ARHGAP23: variants seen among roughly 807,000 people sequenced by gnomAD.
ARHGAP23 encodes Rho GTPase activating protein 23, also known as rho GTPase-activating protein 23.
A neutral mutation model predicts 136.3 loss-of-function variants in ARHGAP23; 34 were observed. The observed-to-expected ratio is 0.25, with a 90% CI of 0.19 to 0.33. The LOEUF is 0.33. ARHGAP23 is among the 10% of genes least tolerant of loss of function. The pLI is 1.00. For synonymous variants in ARHGAP23, 832 were observed against 920.5 expected, an observed-to-expected ratio of 0.90 and a Z score of 1.74; for missense variants, 1,808 against 2,139.0, an observed-to-expected ratio of 0.85 and a Z score of 3.05.
chr17:38,508,787 T>C (rs2040689336), intron 23 of ARHGAP23, among the ~76,000 whole-genome samples: 2 of 151,346 alleles, frequency 1.3e-5, no homozygotes. Flanking sequence ...ATGGAGGCAG[T>C]TTGGGGCAGG....
chr17:38,457,189 T>C (rs1394679597), intron 1 of ARHGAP23, among the ~76,000 whole-genome samples: 3 of 152,228 alleles, frequency 2.0e-5, no homozygotes, highest in Non-Finnish European at 4.4e-5. Context: ...TTTTACCATG[T>C]TGGCAAAGGC....
At chr17:38,503,647 C>T (rs2040567949) in intron 23 of ARHGAP23, among the ~76,000 whole-genome samples, 1 of 152,202 alleles carries the variant, frequency 6.6e-6, no homozygotes, top group South Asian at 2.1e-4. Flanking sequence ...CACTGCCTCC[C>T]GGAAGCCTCC....
intron 1 of ARHGAP23, among the ~76,000 whole-genome samples, chr17:38,422,679 G>A (rs1732421423): frequency 6.6e-6 from 1 of 152,164 alleles, no homozygotes; most frequent in Non-Finnish European, 1.5e-5. Flanking sequence ...CTGTCCAGAG[G>A]TTTTCTGCGT....
In ARHGAP23 at chr17:38,477,893, C is replaced by G; in HGVS notation, c.2433C>G (p.Gly811=). ...RAIRENSRAE[G]EDPGCANQAL... ...TCCGGGAGAACAGCAGGGCCGAGGG[C>G]GAGGTGAGGGCCCGGCCAGCCCGGC... The change falls in exon 12 of 24, where the codon GGC becomes GGG. Residue 811 remains glycine (G), a synonymous_variant. Transcript: ENST00000622683. This position sits in a 1 kb window ranked among gnomAD's most constrained non-coding sequence, Gnocchi z 6.6. The G allele has an allele frequency of 1.3e-6, 2 of 1,547,756 alleles. No homozygotes were observed. Among genetic ancestry groups the G allele is most frequent in the East Asian group, 2.4e-5 (1 of 40,888 alleles).
chr17:38,485,008 G>A (rs934875207), intron 16 of ARHGAP23, among the ~76,000 whole-genome samples: 7 of 152,140 alleles, frequency 4.6e-5, no homozygotes, highest in Non-Finnish European at 8.8e-5. Flanking sequence ...CATTCCCAGC[G>A]AGGCGGCTGT....
intron 1 of ARHGAP23, among the ~76,000 whole-genome samples, chr17:38,420,498 C>A (rs902903089): frequency 6.6e-6 from 1 of 152,192 alleles, no homozygotes; most frequent in Non-Finnish European, 1.5e-5. Context: ...CCAGGCTGAG[C>A]ACAGGCCCCC....
At chr17:38,491,040 T>C (rs1425531906) in intron 19 of ARHGAP23, among the ~76,000 whole-genome samples, 2 of 152,124 alleles carry the variant, frequency 1.3e-5, no homozygotes, top group Non-Finnish European at 2.9e-5. Context: ...TGCCTCAGCC[T>C]CCCGAGTAGC....
intron 1 of ARHGAP23, among the ~76,000 whole-genome samples, chr17:38,435,025 C>T (rs1359236093): frequency 6.6e-6 from 1 of 152,194 alleles, no homozygotes. Flanking sequence ...AGGAAAGCTA[C>T]CCAGAGAGGG....
chr17:38,465,789 T>C (rs2039575959), intron 6 of ARHGAP23, among the ~76,000 whole-genome samples: 1 of 143,592 alleles, frequency 7.0e-6, no homozygotes, highest in Admixed American at 6.8e-5. Context: ...CTCGGTGGGG[T>C]TTTCCGGCTC....
At chr17:38,457,406 T>C (rs1392181475) in intron 1 of ARHGAP23, 1 of 153,310 alleles carries the variant, frequency 6.5e-6, no homozygotes, top group Non-Finnish European at 1.5e-5. Flanking sequence ...TCTTGAAGGA[T>C]GCGTGTGTGC....
At chr17:38,485,358 C>T (rs1400454102) in intron 16 of ARHGAP23, among the ~76,000 whole-genome samples, 1 of 152,120 alleles carries the variant, frequency 6.6e-6, no homozygotes, top group Non-Finnish European at 1.5e-5. Flanking sequence ...GATTTAGGGC[C>T]ATGTAAGTAC....
chr17:38,482,165 G>C (rs1206404659), intron 15 of ARHGAP23, 22 bp downstream of exon 15: 1 of 1,545,690 alleles, frequency 6.5e-7, no homozygotes, highest in African/African-American at 1.4e-5. Context: ...CCACACGCCA[G>C]AGCAGGCCCA....
intron 1 of ARHGAP23, among the ~76,000 whole-genome samples, chr17:38,431,910 G>A (rs1240699486): frequency 2.0e-5 from 3 of 152,192 alleles, no homozygotes; most frequent in Non-Finnish European, 2.9e-5. Flanking sequence ...CATGGACTGG[G>A]CTCCAAGAGG....
At chr17:38,502,578 ATCTG>A (rs1182619103) in intron 23 of ARHGAP23, among the ~76,000 whole-genome samples, 1 of 152,208 alleles carries the variant, frequency 6.6e-6, no homozygotes, top group East Asian at 1.9e-4. Context: ...GAAATAGACT[ATCTG>A]TCTGGCAGGT....
chr17:38,506,453 C>A (rs1459429237), intron 23 of ARHGAP23, among the ~76,000 whole-genome samples: 1 of 152,144 alleles, frequency 6.6e-6, no homozygotes, highest in African/African-American at 2.4e-5. Context: ...AAAGTCATCT[C>A]AGGCTGCTGT....
At chr17:38,446,989 T>A (rs2039049166) in intron 1 of ARHGAP23, among the ~76,000 whole-genome samples, 1 of 152,018 alleles carries the variant, frequency 6.6e-6, no homozygotes, top group Non-Finnish European at 1.5e-5. Flanking sequence ...AATTTTGCAT[T>A]TTTTATAAAG....
intron 1 of ARHGAP23, among the ~76,000 whole-genome samples, chr17:38,433,492 C>G (rs975845409): frequency 1.2e-4 from 18 of 152,234 alleles, no homozygotes; most frequent in Middle Eastern, 3.4e-3. Flanking sequence ...AATGAGGCCC[C>G]CATCACTGGA....
chr17:38,479,610 A>C (rs2039982092), intron 13 of ARHGAP23, 113 bp downstream of exon 13: 1 of 1,424,034 alleles, frequency 7.0e-7, no homozygotes, highest in Non-Finnish European at 9.6e-7. Context: ...GGGAAGGGGT[A>C]TCCAGGGTCT....
chr17:38,420,846 G>A (rs2038513391), intron 1 of ARHGAP23, among the ~76,000 whole-genome samples: 1 of 152,164 alleles, frequency 6.6e-6, no homozygotes, highest in African/African-American at 2.4e-5. Context: ...GGGCGGGGAG[G>A]GAGGGAAGAG....
Sources: gnomAD v4.1 joint callset for allele counts (sites outside exome capture counted in the v4.1 genomes callset) on GRCh38, gnomAD v4.1.1 for gene constraint, Gnocchi (gnomAD v3.1) non-coding constraint, MANE v1.5 for transcripts, NCBI Gene and HGNC (gene_info 2026-07-23, HGNC 2026-07-21) for gene names.